Variants in PLXNC1 observed in about 807,000 individuals in gnomAD.
PLXNC1 encodes the protein plexin C1.
PLXNC1 carries 75 observed loss-of-function variants against 178.2 expected under a neutral mutation model. The observed-to-expected ratio is 0.42, with a 90% CI of 0.35 to 0.51. The LOEUF (loss-of-function observed/expected upper bound fraction) is 0.51. PLXNC1 is among the 20% of genes least tolerant of loss of function. PLXNC1 has a pLI of 0.02. For missense variants in PLXNC1, 1,503 were observed against 1,984.4 expected (o/e 0.76, Z 4.61); for synonymous variants, 790 against 779.9 (o/e 1.01, Z -0.22).
In PLXNC1 at chr12:94,204,436, T is replaced by TA. The variant is rs200734209; in HGVS notation, c.1440-5146dup. Among the ~76,000 whole-genome samples, 324 of 152,322 alleles carry TA rather than the reference T, an allele frequency of 2.1e-3. 2 individuals carry two copies. The highest frequency in any genetic ancestry group is 0.012 in the Admixed American group (176 of 15,304). Reference sequence around the variant, plus strand: ...GCCTGGCATGTTAGATGTTTTTGCTTAAAAAAAATCTTTTAATTGTCTCTG... The same window carrying TA: ...GCCTGGCATGTTAGATGTTTTTGCTTAAAAAAAAATCTTTTAATTGTCTCTG... On this transcript the variant is annotated intron_variant, in intron 4 of 30. Transcript: ENST00000258526.
intron 4 of PLXNC1, among the ~76,000 whole-genome samples, chr12:94,192,049 G>A (rs1962745959): frequency 6.6e-6 from 1 of 152,168 alleles, no homozygotes; most frequent in Non-Finnish European, 1.5e-5. Flanking sequence ...GGTTCCAAAA[G>A]TTCATTTGCA....
chr12:94,304,775 T>C (rs1159498442), intron 30 of PLXNC1, among the ~76,000 whole-genome samples: 1 of 152,140 alleles, frequency 6.6e-6, no homozygotes, highest in East Asian at 1.9e-4. Context: ...GAGGAGGGAC[T>C]ACACTGCCCA....
intron 23 of PLXNC1, among the ~76,000 whole-genome samples, chr12:94,293,791 A>G (rs1243948457): frequency 6.6e-6 from 1 of 152,120 alleles, no homozygotes; most frequent in East Asian, 1.9e-4. Flanking sequence ...GATAATTAAA[A>G]AAATTTTTTT....
chr12:94,282,618 A>G (rs368488401), intron 23 of PLXNC1, among the ~76,000 whole-genome samples: 1 of 152,280 alleles, frequency 6.6e-6, no homozygotes. Flanking sequence ...GAAGGCTATG[A>G]TTTTCTATCT....
intron 21 of PLXNC1, among the ~76,000 whole-genome samples, chr12:94,276,041 T>C (rs1965933571): frequency 6.6e-6 from 1 of 152,232 alleles, no homozygotes; most frequent in African/African-American, 2.4e-5. Context: ...ATTTACATTA[T>C]TTTACATCCA....
intron 22 of PLXNC1, among the ~76,000 whole-genome samples, chr12:94,280,409 T>C (rs1259347262): frequency 6.6e-6 from 1 of 152,230 alleles, no homozygotes; most frequent in African/African-American, 2.4e-5. Flanking sequence ...TGTACAGTTA[T>C]AGGCCTTGAC....
intron 15 of PLXNC1, chr12:94,254,352 G>A (rs980702661): frequency 2.5e-5 from 9 of 366,106 alleles, no homozygotes; most frequent in African/African-American, 1.9e-4. Flanking sequence ...GTGGATCTGC[G>A]GTTCCTTTCT....
chr12:94,244,638 T>C (rs963373526), intron 12 of PLXNC1, among the ~76,000 whole-genome samples: 5 of 152,196 alleles, frequency 3.3e-5, no homozygotes, highest in Non-Finnish European at 7.3e-5. Context: ...GTGTCAACCT[T>C]TTGGCTTCCT....
intron 15 of PLXNC1, 193 bp from the exon 16 acceptor site, chr12:94,254,594 C>A: frequency 2.9e-6 from 2 of 692,614 alleles, no homozygotes; most frequent in South Asian, 3.0e-5. Flanking sequence ...TTCAGAGTGA[C>A]CCCTCACTGG....
At chr12:94,254,552 G>T (rs774594807) in intron 15 of PLXNC1, 7 of 659,714 alleles carry the variant, frequency 1.1e-5, no homozygotes, top group South Asian at 7.5e-5. Context: ...TAAGGTTTTG[G>T]TTTTTTTCTG....
chr12:94,228,117 C>G (rs1592786929), intron 9 of PLXNC1, among the ~76,000 whole-genome samples: 1 of 152,214 alleles, frequency 6.6e-6, no homozygotes, highest in Non-Finnish European at 1.5e-5. Context: ...TATTTTGAAT[C>G]ATTACTGAAA....
chr12:94,182,469 T>A (rs904913419), intron 3 of PLXNC1, among the ~76,000 whole-genome samples: 1 of 131,394 alleles, frequency 7.6e-6, no homozygotes, highest in Non-Finnish European at 1.6e-5. Context: ...CTCACACCTA[T>A]AATCCTAGCA....
chr12:94,234,059 A>C lies in PLXNC1; in HGVS notation c.1981-3605A>C, dbSNP rs190598550. Among the ~76,000 whole-genome samples, 16 of 152,244 alleles carry C rather than the reference A, an allele frequency of 1.1e-4. No individual in the cohort carries two copies. The East Asian group carries it at 2.7e-3, about 26-fold the overall frequency. On this transcript the variant is annotated intron_variant, in intron 9 of 30. Transcript: ENST00000258526. ...TTTTTATCTAGTCCTGTTTGAACTA[A>C]TTTCATGAGTGAAAATCCGAGAGAT...
intron 4 of PLXNC1, among the ~76,000 whole-genome samples, chr12:94,203,858 G>A (rs2135993702): frequency 6.6e-6 from 1 of 152,354 alleles, no homozygotes; most frequent in Admixed American, 6.5e-5. Context: ...CTGTTGAAAG[G>A]TGGGACCTAG....
intron 5 of PLXNC1, among the ~76,000 whole-genome samples, 178 bp from the exon 6 acceptor site, chr12:94,219,838 T>G (rs1963744440): frequency 8.0e-6 from 1 of 125,416 alleles, no homozygotes; most frequent in South Asian, 2.5e-4. Context: ...TTTATTTATT[T>G]ATTTATTTAT....
chr12:94,235,001 G>A (rs1482579735), intron 9 of PLXNC1, among the ~76,000 whole-genome samples: 1 of 152,196 alleles, frequency 6.6e-6, no homozygotes, highest in Non-Finnish European at 1.5e-5. Context: ...TAAAAATGTT[G>A]TTTTATACCT....
At chr12:94,154,396 T>C (rs961282656) in intron 1 of PLXNC1, among the ~76,000 whole-genome samples, 4 of 152,210 alleles carry the variant, frequency 2.6e-5, no homozygotes, top group Non-Finnish European at 5.9e-5. Context: ...ATGGTGATGA[T>C]AGTAAAGACA....
At chr12:94,304,826 C>A (rs796287558) in intron 30 of PLXNC1, among the ~76,000 whole-genome samples, 9 of 152,348 alleles carry the variant, frequency 5.9e-5, no homozygotes, top group African/African-American at 1.9e-4. Context: ...ACCAGGATGT[C>A]CCTGCCTGCT....
chr12:94,294,829 C>G (rs1967739794), intron 24 of PLXNC1, among the ~76,000 whole-genome samples: 2 of 152,070 alleles, frequency 1.3e-5, no homozygotes, highest in Non-Finnish European at 2.9e-5. Context: ...TTTTTTCAAC[C>G]CTTTAGAAGG....
Sources: gnomAD v4.1 joint callset for allele counts (sites outside exome capture counted in the v4.1 genomes callset) on GRCh38, gnomAD v4.1.1 for gene constraint, MANE v1.5 for transcripts, NCBI Gene and HGNC (gene_info 2026-07-23, HGNC 2026-07-21) for gene names.